Variants in THSD4 observed in about 807,000 individuals in gnomAD.
THSD4 encodes the protein thrombospondin type 1 domain containing 4, also known as thrombospondin type-1 domain-containing protein 4.
THSD4 carries 69 observed loss-of-function variants against 119.0 expected under a neutral mutation model. That is an observed-to-expected ratio of 0.58 (90% CI 0.48 to 0.71). The LOEUF (loss-of-function observed/expected upper bound fraction) is 0.71, where lower values mean the gene tolerates loss of function less well. THSD4 is among the 30% of genes least tolerant of loss of function. The pLI is 0.00. For synonymous variants in THSD4, 524 were observed against 540.4 expected (o/e 0.97, Z 0.42); for missense variants, 1,393 against 1,391.1 (o/e 1.00, Z -0.02).
chr15:71,442,682 A>G (rs764734417), intron 7 of THSD4, among the ~76,000 whole-genome samples: 1,143 of 107,368 alleles, frequency 0.011, 131 homozygotes, highest in Non-Finnish European at 0.015. Flanking sequence ...ATATATATAT[A>G]TATATATATA....
intron 7 of THSD4, among the ~76,000 whole-genome samples, chr15:71,489,857 A>G (rs1567005421): frequency 6.6e-6 from 1 of 152,178 alleles, no homozygotes; most frequent in Non-Finnish European, 1.5e-5. Context: ...AATAAAACAC[A>G]TACCCATTAT....
intron 1 of THSD4, among the ~76,000 whole-genome samples, chr15:71,135,369 A>T (rs1434888139): frequency 2.0e-5 from 3 of 147,054 alleles, no homozygotes; most frequent in Admixed American, 1.4e-4. Flanking sequence ...ATAATAAAAA[A>T]AAAAAAGAAA....
chr15:71,584,220 T>A (rs2049615550), intron 7 of THSD4, among the ~76,000 whole-genome samples: 2 of 151,366 alleles, frequency 1.3e-5, no homozygotes, highest in African/African-American at 4.8e-5. Flanking sequence ...TCACCTCTAC[T>A]CTTTTTTGGT....
intron 3 of THSD4, among the ~76,000 whole-genome samples, chr15:71,193,401 G>A (rs1050226048): frequency 1.3e-5 from 2 of 152,150 alleles, no homozygotes; most frequent in Admixed American, 6.5e-5. Flanking sequence ...ACTGAGATAT[G>A]ACGCACAGGG....
At chr15:71,341,731 G>A (rs369393331) in intron 6 of THSD4, 11 of 965,288 alleles carry the variant, frequency 1.1e-5, no homozygotes, top group Non-Finnish European at 1.9e-5. Flanking sequence ...ATTACCTCAG[G>A]CTGCTTAGGA....
rs1284785502 is a variant in THSD4, at chr15:71,389,809, TG to T, written c.1016-21877del. On this transcript the variant is annotated intron_variant, in intron 6 of 17. Transcript: ENST00000261862. ...TGCCAACACTTGCTATTTTCTGGGTTGTTTTTTTTTTTTTTTTTGACACAGA... is the reference window on the plus strand; with the variant it reads ...TGCCAACACTTGCTATTTTCTGGGTTTTTTTTTTTTTTTTTTTGACACAGA... 5.0e-5 allele frequency among the ~76,000 whole-genome samples: 6 copies of T among 119,650 alleles called. 1 individual carries two copies. Among genetic ancestry groups the T allele is most frequent in the Admixed American group, 1.8e-4 (2 of 11,038 alleles). The allele number at this position is 119,650 out of a possible 152,430, so 78.5% of individuals were successfully genotyped here. A position where few individuals can be genotyped will look rare whatever the true frequency, so the allele number is the denominator to read the frequency against.
At chr15:71,372,840 G>C (rs1006553591) in intron 6 of THSD4, among the ~76,000 whole-genome samples, 1 of 152,230 alleles carries the variant, frequency 6.6e-6, no homozygotes, top group African/African-American at 2.4e-5. Flanking sequence ...AGAGGTTTCT[G>C]CCGCCTTTTG....
At chr15:71,412,991 T>C (rs1372968260) in intron 7 of THSD4, among the ~76,000 whole-genome samples, 3 of 152,114 alleles carry the variant, frequency 2.0e-5, no homozygotes, top group Non-Finnish European at 4.4e-5. Context: ...CCAGTGCTAC[T>C]CTTTTATTTT....
rs145825356 is a variant in THSD4, at chr15:71,242,991, C to A, written c.807C>A (p.His269Gln). The A allele has an allele frequency of 5.0e-6, 8 of 1,614,234 alleles. No homozygotes were observed. The Admixed American group carries it at 1.2e-4, about 24-fold the overall frequency. The change falls in exon 5 of 18, where the codon CAC becomes CAA. Residue 269 changes from histidine to glutamine, a missense_variant. By Grantham distance (24) the His-to-Gln change is conservative. Coordinates refer to ENST00000261862, the MANE Select transcript of THSD4 (RefSeq NM_024817.3). ...ACAGCCCAGAAACAAGCAACAACCA[C>A]GGTGTGGGGACCCATGGGGCAACTC... is the stretch of plus-strand genomic sequence containing the variant. ...LFHSPETSNNHGVGTHGATQS... is the reference protein window; with the variant it reads ...LFHSPETSNNQGVGTHGATQS...
intron 6 of THSD4, among the ~76,000 whole-genome samples, chr15:71,380,934 C>A (rs1047466978): frequency 6.6e-6 from 1 of 152,152 alleles, no homozygotes; most frequent in African/African-American, 2.4e-5. Flanking sequence ...TTATTGCCGT[C>A]CCATTGAGGG....
At chr15:71,180,069 C>A (rs12906085) in intron 3 of THSD4, among the ~76,000 whole-genome samples, 12,333 of 125,688 alleles carry the variant, frequency 0.098, 932 homozygotes, top group East Asian at 0.39. Context: ...GTGCAGCGCA[C>A]CAGCATGGCA....
At chr15:71,109,615 C>T (rs2040289316) in intron 1 of THSD4, among the ~76,000 whole-genome samples, 1 of 151,870 alleles carries the variant, frequency 6.6e-6, no homozygotes, top group Non-Finnish European at 1.5e-5. Flanking sequence ...GGCCAGAGAG[C>T]AATGGCGGTG....
intron 1 of THSD4, among the ~76,000 whole-genome samples, chr15:71,120,166 G>A (rs1224698141): frequency 6.6e-6 from 1 of 152,174 alleles, no homozygotes; most frequent in Non-Finnish European, 1.5e-5. Flanking sequence ...CCCAGCAAAT[G>A]AACACTCCCA....
chr15:71,374,390 G>C (rs1318496721), intron 6 of THSD4, among the ~76,000 whole-genome samples: 2 of 152,228 alleles, frequency 1.3e-5, no homozygotes, highest in Non-Finnish European at 2.9e-5. Context: ...AGATCAGCAA[G>C]TGAGTATCTG....
intron 6 of THSD4, among the ~76,000 whole-genome samples, chr15:71,270,981 T>C (rs2044522242): frequency 6.6e-6 from 1 of 152,100 alleles, no homozygotes; most frequent in South Asian, 2.1e-4. Context: ...ACAGATTTAA[T>C]AGAATGATAT....
intron 3 of THSD4, among the ~76,000 whole-genome samples, chr15:71,213,048 T>A (rs1339802024): frequency 6.6e-6 from 1 of 152,202 alleles, no homozygotes; most frequent in African/African-American, 2.4e-5. Flanking sequence ...TACCACAAAC[T>A]GGATTGCTTA....
chr15:71,383,030 G>T (rs1027743368), intron 6 of THSD4, among the ~76,000 whole-genome samples: 3 of 152,132 alleles, frequency 2.0e-5, no homozygotes, highest in African/African-American at 7.2e-5. Flanking sequence ...CAAGGGGTTG[G>T]GGTTGAGTCA....
At chr15:71,747,782 G>A (rs561764557) in intron 13 of THSD4, among the ~76,000 whole-genome samples, 2 of 152,206 alleles carry the variant, frequency 1.3e-5, no homozygotes, top group South Asian at 2.1e-4. Flanking sequence ...CACAGGTTAC[G>A]TATTAATCAG....
intron 7 of THSD4, among the ~76,000 whole-genome samples, chr15:71,659,653 C>T (rs1193292562): frequency 1.3e-5 from 2 of 152,136 alleles, no homozygotes; most frequent in African/African-American, 4.8e-5. Context: ...CTCAAGCAGT[C>T]CTCCTGCCTC....
Sources: gnomAD v4.1 joint callset for allele counts (sites outside exome capture counted in the v4.1 genomes callset) on GRCh38, gnomAD v4.1.1 for gene constraint, MANE v1.5 for transcripts, NCBI Gene and HGNC (gene_info 2026-07-23, HGNC 2026-07-21) for gene names.